Variants in ZNF385D observed in about 807,000 individuals in gnomAD.
ZNF385D encodes zinc finger protein 659.
A neutral mutation model predicts 35.8 loss-of-function variants in ZNF385D; 15 were observed. That is an observed-to-expected ratio of 0.42 (90% CI 0.28 to 0.64). The LOEUF is 0.64. Ranked by LOEUF, ZNF385D falls within the 30% of genes least tolerant of loss-of-function variation. The pLI is 0.23. For synonymous variants in ZNF385D, 212 were observed against 186.8 expected (o/e 1.13, Z -1.10); for missense variants, 474 against 494.6 (o/e 0.96, Z 0.39).
chr3:21,982,869 T>G (rs1202892115), intron 3 of ZNF385D, among the ~76,000 whole-genome samples: 1 of 151,976 alleles, frequency 6.6e-6, no homozygotes, highest in Non-Finnish European at 1.5e-5. Flanking sequence ...TTGTCTTTAG[T>G]TCTGTTTTTG....
intron 1 of ZNF385D, among the ~76,000 whole-genome samples, chr3:21,725,585 TAA>T (rs1365378807): frequency 6.6e-6 from 1 of 152,038 alleles, no homozygotes; most frequent in East Asian, 1.9e-4. Flanking sequence ...AAATCTAGAA[TAA>T]ATGGATAAAT....
At chr3:21,446,865 T>C (rs1160127632) in intron 4 of ZNF385D, among the ~76,000 whole-genome samples, 3 of 152,152 alleles carry the variant, frequency 2.0e-5, no homozygotes, top group Non-Finnish European at 4.4e-5. Context: ...TTCTGATCTT[T>C]GGAGCAGAGA....
At chr3:22,343,153 A>G (rs1422798810) in intron 2 of ZNF385D, among the ~76,000 whole-genome samples, 1 of 152,206 alleles carries the variant, frequency 6.6e-6, no homozygotes, top group Non-Finnish European at 1.5e-5. Flanking sequence ...GTTACTAGAC[A>G]TGTTAAAATG....
chr3:22,126,817 G>A (rs1576364663), intron 3 of ZNF385D, among the ~76,000 whole-genome samples: 1 of 152,096 alleles, frequency 6.6e-6, no homozygotes, highest in East Asian at 1.9e-4. Flanking sequence ...TCTCTCTTTA[G>A]CTCTAATAGT....
intron 3 of ZNF385D, among the ~76,000 whole-genome samples, chr3:21,897,257 T>A (rs4858025): frequency 0.047 from 7,109 of 152,198 alleles, 702 homozygotes; most frequent in Admixed American, 0.23. Context: ...TCTCACATTA[T>A]TGATAAACAG....
chr3:22,164,143 C>T (rs1454515146), intron 3 of ZNF385D, among the ~76,000 whole-genome samples: 1 of 150,388 alleles, frequency 6.6e-6, no homozygotes, highest in East Asian at 2.0e-4. Context: ...AAATTTATGG[C>T]ATATAACTAG....
intron 3 of ZNF385D, among the ~76,000 whole-genome samples, chr3:22,167,507 T>G (rs1048764237): frequency 2.6e-5 from 4 of 152,204 alleles, no homozygotes; most frequent in African/African-American, 9.6e-5. Flanking sequence ...ATCCTCATTC[T>G]TCTTAGACAT....
At chr3:21,838,906 A>T (rs573692388) in intron 3 of ZNF385D, among the ~76,000 whole-genome samples, 5 of 152,190 alleles carry the variant, frequency 3.3e-5, no homozygotes, top group African/African-American at 1.2e-4. Flanking sequence ...CCACAAACTA[A>T]ACAATAACCG....
At chr3:21,905,946 AT>A (rs1398958845) in intron 3 of ZNF385D, among the ~76,000 whole-genome samples, 4 of 152,174 alleles carry the variant, frequency 2.6e-5, no homozygotes, top group Admixed American at 2.6e-4. Flanking sequence ...TGTAGCTGGA[AT>A]TTATATGAAT....
At chr3:21,471,430 A>G (rs1291960130) in intron 4 of ZNF385D, among the ~76,000 whole-genome samples, 1 of 152,068 alleles carries the variant, frequency 6.6e-6, no homozygotes, top group African/African-American at 2.4e-5. Context: ...TAGTCTGCCA[A>G]TATTGCAGAG....
At chr3:22,215,235 G>A (rs1477594231) in intron 2 of ZNF385D, among the ~76,000 whole-genome samples, 1 of 151,750 alleles carries the variant, frequency 6.6e-6, no homozygotes, top group Non-Finnish European at 1.5e-5. Context: ...ACGAAATCTG[G>A]GCACCTTGAA....
At chr3:21,997,413 G>A (rs748350745) in intron 3 of ZNF385D, among the ~76,000 whole-genome samples, 24 of 152,036 alleles carry the variant, frequency 1.6e-4, no homozygotes, top group Non-Finnish European at 2.9e-4. Flanking sequence ...ACGAGTTAAC[G>A]GGTGCAGCAC....
At chr3:22,323,244 C>A (rs1694525484) in intron 2 of ZNF385D, among the ~76,000 whole-genome samples, 1 of 152,146 alleles carries the variant, frequency 6.6e-6, no homozygotes, top group Non-Finnish European at 1.5e-5. Flanking sequence ...CAAGTTCTTT[C>A]CAGGATCTCT....
Position 21,787,944 on chromosome 3 carries a change from C to CAAAAAAAAAAAAAAAA in ZNF385D, c.326-122932_326-122917dup, listed in dbSNP as rs560982379. Among the ~76,000 whole-genome samples the CAAAAAAAAAAAAAAAA allele has an allele frequency of 4.9e-4, 37 of 75,380 alleles. 2 individuals are homozygous for CAAAAAAAAAAAAAAAA. The highest frequency in any genetic ancestry group is 6.9e-4 in the Admixed American group (4 of 5,802). The allele number at this position is 75,380 out of a possible 152,430, so 49.5% of individuals were successfully genotyped here. A position where few individuals can be genotyped will look rare whatever the true frequency, so the allele number is the denominator to read the frequency against. On this transcript the variant is annotated intron_variant, in intron 3 of 5. Transcript: ENST00000494108. ...GCGACAGAGCGAGACTTCGTCTCAA[C>CAAAAAAAAAAAAAAAA]AAAAAAAAAAAAAAAAAAAAAAAAA... is the stretch of plus-strand genomic sequence containing the variant.
At chr3:21,455,182 T>C (rs1047599389) in intron 4 of ZNF385D, among the ~76,000 whole-genome samples, 12 of 152,196 alleles carry the variant, frequency 7.9e-5, no homozygotes, top group Non-Finnish European at 1.8e-4. Context: ...ATAGATTCAA[T>C]GCCATCCCCA....
intron 3 of ZNF385D, among the ~76,000 whole-genome samples, chr3:21,899,691 G>A (rs1699304671): frequency 6.6e-6 from 1 of 151,994 alleles, no homozygotes; most frequent in Non-Finnish European, 1.5e-5. Flanking sequence ...TATATTAAAG[G>A]TTTACTGCTT....
At chr3:21,815,051 A>C (rs942299055) in intron 3 of ZNF385D, among the ~76,000 whole-genome samples, 1 of 152,238 alleles carries the variant, frequency 6.6e-6, no homozygotes. Context: ...GCACAACTAC[A>C]TGGAAACTGA....
Position 21,641,099 on chromosome 3 carries a change from C to T in ZNF385D, c.165+23787G>A, listed in dbSNP as rs79858606. Among the ~76,000 whole-genome samples, 615 of 152,168 alleles carry T rather than the reference C, an allele frequency of 4.0e-3. 6 individuals carry two copies. Among genetic ancestry groups the T allele is most frequent in the African/African-American group, 0.014 (591 of 41,542 alleles). On this transcript the variant is annotated intron_variant, in intron 2 of 7. Transcript: ENST00000281523. The stretch of plus-strand genomic sequence containing the variant: ...GAATGTCCCAAATTCTCAGCAATAT[C>T]GTAAAGGCTGGAAGTAGAGTTATGG...
Position 22,313,465 on chromosome 3 carries a change from A to T in ZNF385D, c.106+58985T>A, listed in dbSNP as rs564963470. ...AAAATACAACATGGACTGTAGAAAA[A>T]TTAAATTATGAATAAATTTCTATTC... On this transcript the variant is annotated intron_variant, in intron 2 of 5. Coordinates refer to the ZNF385D transcript ENST00000494108. Among the ~76,000 whole-genome samples, 723 of 152,304 alleles carry T rather than the reference A, an allele frequency of 4.7e-3. 11 individuals are homozygous for T. The South Asian group carries it at 0.049, about 10-fold the overall frequency.
Sources: gnomAD v4.1 joint callset for allele counts (sites outside exome capture counted in the v4.1 genomes callset) on GRCh38, gnomAD v4.1.1 for gene constraint, MANE v1.5 for transcripts, NCBI Gene and HGNC (gene_info 2026-07-23, HGNC 2026-07-21) for gene names.